PTPRT: variants seen among roughly 807,000 people sequenced by gnomAD.
The protein encoded by PTPRT is protein tyrosine phosphatase receptor type T.
A neutral mutation model predicts 176.8 loss-of-function variants in PTPRT; 56 were observed. The ratio of observed to expected loss-of-function variants is 0.32; its 90% CI spans 0.26 to 0.40. The LOEUF is 0.40. PTPRT is among the 10% of genes least tolerant of loss of function. PTPRT has a pLI of 1.00. For missense variants in PTPRT, 1,540 were observed against 1,908.2 expected (o/e 0.81, Z 3.60); for synonymous variants, 783 against 739.0 (o/e 1.06, Z -0.96).
At chr20:42,819,358 T>C (rs2077849011) in intron 2 of PTPRT, among the ~76,000 whole-genome samples, 2 of 152,220 alleles carry the variant, frequency 1.3e-5, no homozygotes, top group Middle Eastern at 3.4e-3. Context: ...TGCTGAGGGA[T>C]TTTGTTACCA....
intron 9 of PTPRT, among the ~76,000 whole-genome samples, chr20:42,388,231 T>C (rs1433881112): frequency 6.6e-6 from 1 of 152,220 alleles, no homozygotes; most frequent in African/African-American, 2.4e-5. Context: ...ACTTCATGTC[T>C]GAAACACCAA....
intron 7 of PTPRT, among the ~76,000 whole-genome samples, chr20:42,572,412 C>T (rs2073172669): frequency 6.6e-6 from 1 of 152,180 alleles, no homozygotes; most frequent in African/African-American, 2.4e-5. Context: ...CAAGAACCCT[C>T]ACCCCTTACC....
intron 29 of PTPRT, 50 bp from the exon 30 acceptor site, chr20:42,082,067 A>G: frequency 6.2e-7 from 1 of 1,611,856 alleles, no homozygotes; most frequent in South Asian, 1.1e-5. Context: ...CCTTCCAGGC[A>G]CCTGATGATT....
chr20:42,227,406 G>T (rs2058934153), intron 15 of PTPRT, among the ~76,000 whole-genome samples: 1 of 152,014 alleles, frequency 6.6e-6, no homozygotes, highest in African/African-American at 2.4e-5. Context: ...GGGGCTGTTA[G>T]TGTCACAAAC....
intron 1 of PTPRT, among the ~76,000 whole-genome samples, chr20:43,126,900 T>C (rs1568800566): frequency 6.6e-6 from 1 of 152,196 alleles, no homozygotes; most frequent in Non-Finnish European, 1.5e-5. Flanking sequence ...GAATCATCCC[T>C]TGAAGGACAT....
chr20:42,322,584 C>T (rs1024745627), intron 11 of PTPRT, among the ~76,000 whole-genome samples: 5 of 145,190 alleles, frequency 3.4e-5, no homozygotes, highest in Non-Finnish European at 5.9e-5. Flanking sequence ...TGGATCCCTT[C>T]CTTACACCTT....
intron 1 of PTPRT, among the ~76,000 whole-genome samples, chr20:42,965,992 A>G (rs1350675532): frequency 6.6e-6 from 1 of 152,270 alleles, no homozygotes; most frequent in African/African-American, 2.4e-5. Context: ...ACACCGGAGA[A>G]GACAGAAGCT....
intron 7 of PTPRT, among the ~76,000 whole-genome samples, chr20:42,544,459 T>C (rs6072782): frequency 0.37 from 56,790 of 152,074 alleles, 10,662 homozygotes; most frequent in Admixed American, 0.42. Context: ...GATTAGGCTT[T>C]GGCTTAAGGG....
Position 42,935,540 on chromosome 20 carries a change from G to A in PTPRT, c.89-49608C>T, listed in dbSNP as rs965600784. Among the ~76,000 whole-genome samples the A allele has an allele frequency of 5.3e-5, 8 of 152,152 alleles. 1 individual carries two copies. On this transcript the variant is annotated intron_variant, in intron 1 of 30. Coordinates refer to ENST00000373187, the MANE Select transcript of PTPRT (RefSeq NM_007050.6). ...AATATTCAAAGACAGAGATTATTGA[G>A]AGCCATGGCAAGGCCTCTTTCCACA...
At chr20:42,354,562 G>A (rs1013036098) in intron 9 of PTPRT, among the ~76,000 whole-genome samples, 3 of 152,302 alleles carry the variant, frequency 2.0e-5, no homozygotes, top group Non-Finnish European at 2.9e-5. Context: ...TGTTTCCTGT[G>A]TACTCCTGTG....
At position 42,075,269 on chromosome 20, in the gene PTPRT, A is replaced by T. The variant is rs557083648; in HGVS notation, c.*5610T>A. 14 of 235,548 alleles carry T rather than the reference A, an allele frequency of 5.9e-5. No homozygotes were observed. The highest frequency in any genetic ancestry group is 3.6e-4 in the East Asian group (6 of 16,576). The allele number at this position is 235,548 out of a possible 1,614,324, so 14.6% of individuals were successfully genotyped here. A position where few individuals can be genotyped will look rare whatever the true frequency, so the allele number is the denominator to read the frequency against. On this transcript the variant is annotated 3_prime_UTR_variant, in exon 31 of 31. Transcript: ENST00000373187. ...GGCTAAGAAGGAGCTCAGACTGTTA[A>T]GTAATGGGGAAGCCAAGTCAGGGAT... is the stretch of plus-strand genomic sequence containing the variant.
At chr20:42,915,424 C>A (rs1978673071) in intron 1 of PTPRT, among the ~76,000 whole-genome samples, 2 of 152,320 alleles carry the variant, frequency 1.3e-5, no homozygotes, top group African/African-American at 4.8e-5. Flanking sequence ...GGGGGCCTGG[C>A]TGCTCTCCTG....
intron 2 of PTPRT, among the ~76,000 whole-genome samples, chr20:42,816,659 C>T (rs903433352): frequency 5.9e-5 from 9 of 152,106 alleles, no homozygotes; most frequent in African/African-American, 1.9e-4. Flanking sequence ...GTCACACTCC[C>T]TCATGCTGCC....
intron 9 of PTPRT, among the ~76,000 whole-genome samples, chr20:42,388,274 T>C (rs2058764358): frequency 6.6e-6 from 1 of 152,068 alleles, no homozygotes; most frequent in Admixed American, 6.5e-5. Flanking sequence ...AATTGACAAA[T>C]GGGATCTAAT....
intron 9 of PTPRT, among the ~76,000 whole-genome samples, chr20:42,431,950 A>G (rs896905583): frequency 6.6e-6 from 1 of 152,238 alleles, no homozygotes; most frequent in Non-Finnish European, 1.5e-5. Context: ...ACAACAGCAG[A>G]TAGAACATTT....
At position 42,102,110 on chromosome 20, in the gene PTPRT, C is replaced by T. The variant is rs201873936; in HGVS notation, c.3714+14G>A. 1,822 of 1,602,068 alleles carry T rather than the reference C, an allele frequency of 1.1e-3. 3 individuals are homozygous for T. Among genetic ancestry groups the T allele is most frequent in the Non-Finnish European group, 8.2e-4 (956 of 1,170,174 alleles). The stretch of plus-strand genomic sequence containing the variant: ...GAATGCCAGCTAGGAGCTTTCTGCC[C>T]GGGCTCGGCTTACATCCATCAGTGC... On this transcript the variant is annotated intron_variant, in intron 26 of 30. Coordinates refer to ENST00000373187, the MANE Select transcript of PTPRT (RefSeq NM_007050.6).
chr20:42,283,965 C>A (rs2057184228), intron 12 of PTPRT, among the ~76,000 whole-genome samples: 1 of 151,988 alleles, frequency 6.6e-6, no homozygotes, highest in South Asian at 2.1e-4. Context: ...TTCTTTTCCT[C>A]AAAATGCACA....
chr20:42,413,914 A>G (rs939833233), intron 9 of PTPRT, among the ~76,000 whole-genome samples: 2 of 152,100 alleles, frequency 1.3e-5, no homozygotes, highest in African/African-American at 4.8e-5. Context: ...GCAGTGGCGC[A>G]ATCTTGGCTC....
At chr20:42,188,017 C>T (rs74483706) in intron 16 of PTPRT, among the ~76,000 whole-genome samples, 1,785 of 152,292 alleles carry the variant, frequency 0.012, 10 homozygotes, top group Non-Finnish European at 0.017. Context: ...ACATTTATAT[C>T]CCCAGGCCAG....
Sources: gnomAD v4.1 joint callset for allele counts (sites outside exome capture counted in the v4.1 genomes callset) on GRCh38, gnomAD v4.1.1 for gene constraint, MANE v1.5 for transcripts, NCBI Gene and HGNC (gene_info 2026-07-23, HGNC 2026-07-21) for gene names.